MAP3K15: variants seen among roughly 807,000 people sequenced by gnomAD.
MAP3K15 encodes the protein mitogen-activated protein kinase kinase kinase 15.
MAP3K15 carries 124 observed loss-of-function variants against 99.5 expected under a neutral mutation model. The observed-to-expected ratio is 1.25, with a 90% confidence interval of 1.08 to 1.45. The LOEUF (loss-of-function observed/expected upper bound fraction) is 1.45, where lower values mean the gene tolerates loss of function less well. Among genes scored for constraint, MAP3K15 ranks in the 40% most tolerant of loss-of-function variants. The pLI is 0.00. For synonymous variants in MAP3K15, 494 were observed against 439.6 expected (o/e 1.12, Z -1.55); for missense variants, 1,242 against 1,079.7 (o/e 1.15, Z -2.11).
At chrX:19,505,343 C>T (rs1459274672) in intron 1 of MAP3K15, among the ~76,000 whole-genome samples, 1 of 111,952 alleles carries the variant, frequency 8.9e-6, no homozygotes, top group Non-Finnish European at 1.9e-5. Context: ...AGCAGTTGGA[C>T]TAGATTTTCA....
chrX:19,366,006 C>CAAAA (rs1172350617), intron 25 of MAP3K15, among the ~76,000 whole-genome samples: 354 of 20,089 alleles, frequency 0.018, 11 homozygotes, highest in Non-Finnish European at 0.022. Context: ...GCCTCCATCT[C>CAAAA]AAAAAAAAAA....
intron 5 of MAP3K15, 41 bp from the exon 6 acceptor site, chrX:19,457,060 C>G: frequency 2.1e-6 from 2 of 944,661 alleles, no homozygotes; most frequent in Admixed American, 4.7e-5. Flanking sequence ...AGAGGAAACA[C>G]AGCTCTTCAC....
chrX:19,425,699 T>C lies in MAP3K15; in HGVS notation c.1280-9A>G. On this transcript the variant is annotated splice_polypyrimidine_tract_variant and intron_variant, in intron 8 of 28. Transcript: ENST00000338883. ...ACTGTTCAGCCGGACACCTTAAGAA[T>C]TTGAATTTTTGATAGTCAGAATAAT... 8.5e-7 allele frequency: 1 copy of C among 1,179,582 alleles called. No individual in the cohort carries two copies. Among genetic ancestry groups the C allele is most frequent in the Non-Finnish European group, 1.1e-6 (1 of 883,866 alleles).
chrX:19,410,721 C>T (rs773566623), intron 11 of MAP3K15, among the ~76,000 whole-genome samples: 1 of 111,995 alleles, frequency 8.9e-6, no homozygotes, highest in Admixed American at 9.5e-5. Context: ...TCAAACAGCA[C>T]CCAAGTTGCA....
chrX:19,422,988 T>C (rs1602296059), intron 9 of MAP3K15, among the ~76,000 whole-genome samples: 1 of 82,935 alleles, frequency 1.2e-5, no homozygotes, highest in South Asian at 6.4e-4. Flanking sequence ...TGAGAACACA[T>C]GGACACAGGA....
chrX:19,371,576 C>A, intron 22 of MAP3K15, 46 bp from the exon 23 acceptor site: 1 of 1,121,108 alleles, frequency 8.9e-7, no homozygotes. Context: ...ATTGAGAGAG[C>A]GAGAGTTCAG....
intron 3 of MAP3K15, among the ~76,000 whole-genome samples, chrX:19,475,260 G>C (rs2064234431): frequency 9.0e-6 from 1 of 110,565 alleles, no homozygotes; most frequent in Admixed American, 9.7e-5. Flanking sequence ...GTTCACAATA[G>C]GGTTTATGCT....
At chrX:19,488,111 A>C (rs2064341927) in intron 2 of MAP3K15, among the ~76,000 whole-genome samples, 1 of 112,124 alleles carries the variant, frequency 8.9e-6, no homozygotes, top group Admixed American at 9.5e-5. Context: ...AAAATGATTT[A>C]ACATAGGCCA....
rs141540826 is a variant in MAP3K15 at position 19,393,491 on chromosome X, C to T, written c.2195-1018G>A. On this transcript the variant is annotated intron_variant, in intron 16 of 28. Transcript: ENST00000338883. ...ACTAAAAATACAAAAATTAGCCAGG[C>T]GTGGTGGCACGCACTTGTAATCCTA... Among the ~76,000 whole-genome samples the T allele has an allele frequency of 3.0e-3, 333 of 110,672 alleles. 1 individual carries two copies. The highest frequency in any genetic ancestry group is 0.01 in the African/African-American group (314 of 30,483).
In MAP3K15 at chrX:19,425,677, G is replaced by A. The variant is rs1370931999; in HGVS notation, c.1293C>T (p.Asn431=). 8.4e-7 allele frequency: 1 copy of A among 1,195,881 alleles called. No individual in the cohort carries two copies. Among genetic ancestry groups the A allele is most frequent in the Non-Finnish European group, 1.1e-6 (1 of 892,794 alleles). ...LELRKIGVRL[N]SLLGRKGSLE... ...AGCTCCCTTTTCTTCCCAACAAACT[G>A]TTCAGCCGGACACCTTAAGAATTTG... The change falls in exon 9 of 29, where the codon AAC becomes AAT. Residue 431 remains asparagine (N), a synonymous_variant. Transcript: ENST00000338883.
intron 1 of MAP3K15, among the ~76,000 whole-genome samples, chrX:19,493,750 A>G (rs2064383142): frequency 9.0e-6 from 1 of 111,184 alleles, no homozygotes; most frequent in Non-Finnish European, 1.9e-5. Flanking sequence ...GGCTTCACTA[A>G]GCAGGTAGAA....
At chrX:19,452,901 A>G (rs987821283) in intron 6 of MAP3K15, among the ~76,000 whole-genome samples, 1 of 110,521 alleles carries the variant, frequency 9.0e-6, no homozygotes, top group Non-Finnish European at 1.9e-5. Context: ...TGTATGGTCC[A>G]AGACAATTCT....
intron 6 of MAP3K15, among the ~76,000 whole-genome samples, chrX:19,432,294 T>G (rs1349476453): frequency 1.8e-5 from 2 of 111,377 alleles, no homozygotes; most frequent in Non-Finnish European, 3.8e-5. Context: ...CTGGGTACAG[T>G]GGCTCACACC....
At chrX:19,379,294 CTT>C (rs995651452) in intron 19 of MAP3K15, among the ~76,000 whole-genome samples, 2 of 101,326 alleles carry the variant, frequency 2.0e-5, no homozygotes, top group African/African-American at 3.6e-5. Context: ...TTTCCTTTTT[CTT>C]TTTTTTTTTT....
chrX:19,406,055 C>T (rs189277979), intron 13 of MAP3K15, among the ~76,000 whole-genome samples: 1,273 of 111,750 alleles, frequency 0.011, 12 homozygotes, highest in Admixed American at 0.018. Flanking sequence ...AATGAGATCC[C>T]ACCTCACATC....
chrX:19,503,150 T>C (rs1219387681), intron 1 of MAP3K15, among the ~76,000 whole-genome samples: 1 of 111,607 alleles, frequency 9.0e-6, no homozygotes, highest in Non-Finnish European at 1.9e-5. Flanking sequence ...ACTCCTAGCT[T>C]TCTGACATGA....
At chrX:19,369,664 C>T (rs757688744) in intron 24 of MAP3K15, among the ~76,000 whole-genome samples, 1 of 111,366 alleles carries the variant, frequency 9.0e-6, no homozygotes, top group South Asian at 3.8e-4. Context: ...CGCCTGTAAT[C>T]CCATCACTTT....
At chrX:19,490,763 A>G in intron 1 of MAP3K15, among the ~76,000 whole-genome samples, 1 of 79,659 alleles carries the variant, frequency 1.3e-5, no homozygotes, top group Non-Finnish European at 2.5e-5. Context: ...ACTAAAAAAA[A>G]AAAAAAAATA....
At chrX:19,466,142 A>G (rs1437150696) in intron 3 of MAP3K15, among the ~76,000 whole-genome samples, 1 of 110,919 alleles carries the variant, frequency 9.0e-6, no homozygotes, top group African/African-American at 3.3e-5. Context: ...AAGTTCTTAA[A>G]GAGACTCAAA....
Sources: gnomAD v4.1 joint callset for allele counts (sites outside exome capture counted in the v4.1 genomes callset) on GRCh38, gnomAD v4.1.1 for gene constraint, MANE v1.5 for transcripts, NCBI Gene and HGNC (gene_info 2026-07-23, HGNC 2026-07-21) for gene names.